CDH19: variants seen among roughly 807,000 people sequenced by gnomAD.
CDH19 encodes cadherin-19.
CDH19 carries 67 observed loss-of-function variants against 64.2 expected under a neutral mutation model. The observed-to-expected ratio is 1.04, with a 90% CI of 0.86 to 1.28. The LOEUF is 1.28. CDH19 is among the 50% of genes most tolerant of loss of function. The pLI is 0.00. For missense variants in CDH19, 1,030 were observed against 929.0 expected (o/e 1.11, Z -1.41); for synonymous variants, 346 against 319.3 (o/e 1.08, Z -0.89).
At chr18:66,571,618 G>A (rs1197179138) in intron 2 of CDH19, among the ~76,000 whole-genome samples, 2 of 151,738 alleles carry the variant, frequency 1.3e-5, no homozygotes, top group East Asian at 3.9e-4. Flanking sequence ...GTATTAACCT[G>A]CTTCATTAAA....
chr18:66,542,465 C>G (rs1986924758), intron 7 of CDH19, among the ~76,000 whole-genome samples: 1 of 152,056 alleles, frequency 6.6e-6, no homozygotes, highest in Admixed American at 6.6e-5. Flanking sequence ...CCCAACCAGA[C>G]TATACCTCAA....
intron 10 of CDH19, among the ~76,000 whole-genome samples, 183 bp downstream of exon 10, chr18:66,511,385 G>A (rs1985475836): frequency 6.6e-6 from 1 of 151,572 alleles, no homozygotes; most frequent in Non-Finnish European, 1.5e-5. Flanking sequence ...GTGAGAAATG[G>A]AGTCAATATT....
At chr18:66,599,633 C>G (rs1208963523) in intron 1 of CDH19, among the ~76,000 whole-genome samples, 1 of 151,972 alleles carries the variant, frequency 6.6e-6, no homozygotes, top group Non-Finnish European at 1.5e-5. Flanking sequence ...ACATTGTTTT[C>G]ATGAATTCTA....
At chr18:66,543,579 T>A (rs1024492350) in intron 7 of CDH19, among the ~76,000 whole-genome samples, 7 of 152,058 alleles carry the variant, frequency 4.6e-5, no homozygotes, top group Non-Finnish European at 1.0e-4. Context: ...GATACAGATA[T>A]AACCTTGTTT....
chr18:66,575,560 A>T (rs747508756), intron 1 of CDH19, among the ~76,000 whole-genome samples: 46 of 151,976 alleles, frequency 3.0e-4, no homozygotes, highest in Middle Eastern at 6.8e-3. Flanking sequence ...TCAAGTCTTT[A>T]TAGCTGCCTA....
At chr18:66,577,026 T>C (rs944210735) in intron 1 of CDH19, among the ~76,000 whole-genome samples, 1 of 151,634 alleles carries the variant, frequency 6.6e-6, no homozygotes, top group African/African-American at 2.4e-5. Flanking sequence ...TACCTCTCTA[T>C]TGCACACTAT....
Position 66,590,957 on chromosome 18 carries a change from T to C in CDH19, c.-113+12997A>G, listed in dbSNP as rs191775851. 1.5e-3 allele frequency among the ~76,000 whole-genome samples: 233 copies of C among 151,968 alleles called. 1 individual carries two copies. The highest frequency in any genetic ancestry group is 5.4e-3 in the African/African-American group (223 of 41,556). The stretch of plus-strand genomic sequence containing the variant: ...ATTTTCCCTTTCTTCCTCAAGAGGA[T>C]AATCAGCAGTGATTTTTTTTATGTA... On this transcript the variant is annotated intron_variant, in intron 1 of 11. Coordinates refer to ENST00000262150, the MANE Select transcript of CDH19 (RefSeq NM_021153.4).
intron 7 of CDH19, among the ~76,000 whole-genome samples, chr18:66,543,229 A>G (rs1439277905): frequency 6.6e-6 from 1 of 151,824 alleles, no homozygotes; most frequent in Non-Finnish European, 1.5e-5. Context: ...GGGGTTTCAC[A>G]TGTTAGCCAG....
intron 1 of CDH19, among the ~76,000 whole-genome samples, chr18:66,597,930 A>C (rs569647004): frequency 2.6e-5 from 4 of 152,228 alleles, no homozygotes; most frequent in Admixed American, 6.5e-5. Flanking sequence ...ATTAGGAGAT[A>C]TACCTAATGT....
intron 7 of CDH19, among the ~76,000 whole-genome samples, chr18:66,542,967 G>T (rs1986947592): frequency 6.6e-6 from 1 of 152,144 alleles, no homozygotes; most frequent in Non-Finnish European, 1.5e-5. Context: ...GAGGACCACT[G>T]CTATAAAAGC....
intron 5 of CDH19, among the ~76,000 whole-genome samples, chr18:66,546,055 T>A (rs1282478807): frequency 6.6e-6 from 1 of 152,058 alleles, no homozygotes; most frequent in Non-Finnish European, 1.5e-5. Flanking sequence ...ATATATGACA[T>A]TACTCATGTC....
intron 5 of CDH19, 50 bp downstream of exon 5, chr18:66,551,044 A>T (rs552356582): frequency 8.0e-6 from 8 of 998,172 alleles, no homozygotes; most frequent in Non-Finnish European, 1.2e-5. Flanking sequence ...CTTATATTTA[A>T]CACACTCATA....
intron 9 of CDH19, among the ~76,000 whole-genome samples, chr18:66,525,055 G>A (rs73537764): frequency 0.017 from 2,610 of 152,002 alleles, 68 homozygotes; most frequent in African/African-American, 0.058. Flanking sequence ...TATCTGACAC[G>A]CATATTTAAC....
chr18:66,531,576 A>G (rs1986447562), intron 8 of CDH19, among the ~76,000 whole-genome samples: 1 of 152,132 alleles, frequency 6.6e-6, no homozygotes, highest in African/African-American at 2.4e-5. Flanking sequence ...TGATCGGGCT[A>G]CTGCACTCCA....
chr18:66,525,253 T>C (rs1986175705), intron 9 of CDH19, among the ~76,000 whole-genome samples: 1 of 152,148 alleles, frequency 6.6e-6, no homozygotes, highest in Non-Finnish European at 1.5e-5. Context: ...TGTAATAATT[T>C]TTAAAAACTA....
intron 9 of CDH19, 134 bp from the exon 10 acceptor site, chr18:66,511,819 T>C: frequency 1.6e-6 from 1 of 627,478 alleles, no homozygotes; most frequent in Non-Finnish European, 2.8e-6. Context: ...AACTGTCAAA[T>C]CAGTGGAGAA....
intron 11 of CDH19, among the ~76,000 whole-genome samples, chr18:66,507,122 ATC>A (rs1187830915): frequency 6.6e-6 from 1 of 151,948 alleles, no homozygotes; most frequent in African/African-American, 2.4e-5. Flanking sequence ...TTAAGTCTGT[ATC>A]TATAGGTAGC....
intron 1 of CDH19, among the ~76,000 whole-genome samples, chr18:66,580,801 G>C (rs1020816628): frequency 6.6e-6 from 1 of 152,044 alleles, no homozygotes; most frequent in Non-Finnish European, 1.5e-5. Context: ...GTAGCAGTAG[G>C]TATATCTCAA....
chr18:66,600,673 T>G (rs77037319), intron 1 of CDH19, among the ~76,000 whole-genome samples: 7,959 of 151,948 alleles, frequency 0.052, 291 homozygotes, highest in Middle Eastern at 0.088. Context: ...GTCTTGAAAT[T>G]ATCAAAGGAG....
Sources: gnomAD v4.1 joint callset for allele counts (sites outside exome capture counted in the v4.1 genomes callset) on GRCh38, gnomAD v4.1.1 for gene constraint, MANE v1.5 for transcripts, NCBI Gene and HGNC (gene_info 2026-07-23, HGNC 2026-07-21) for gene names.